The following SLCO4A1 variants were observed in gnomAD, a reference collection of about 807,000 sequenced individuals.
SLCO4A1 encodes colon organic anion transporter.
In SLCO4A1, 51 loss-of-function variants were observed where a neutral mutation model predicts 64.6. That is an observed-to-expected ratio of 0.79 (90% CI 0.63 to 1.00). The LOEUF (loss-of-function observed/expected upper bound fraction) is 1.00. Among genes scored for constraint, SLCO4A1 ranks in the 50% least tolerant of loss-of-function variants. The pLI, the probability that SLCO4A1 is intolerant of heterozygous loss-of-function variation, is 0.00. For synonymous variants in SLCO4A1, 471 were observed against 444.9 expected (o/e 1.06, Z -0.74); for missense variants, 919 against 980.5 (o/e 0.94, Z 0.84).
intron 7 of SLCO4A1, 89 bp from the exon 8 acceptor site, chr20:62,667,656 G>T: frequency 6.8e-7 from 1 of 1,461,144 alleles, no homozygotes; most frequent in South Asian, 1.3e-5. Flanking sequence ...AGGCTGCATG[G>T]GGACGAGCCC....
At chr20:62,676,863 A>C (rs367883346), downstream of SLCO4A1, among the ~76,000 whole-genome samples, 13 of 152,384 alleles carry the variant, frequency 8.5e-5, no homozygotes, top group African/African-American at 3.1e-4. Flanking sequence ...AATGTTGCTC[A>C]TAACAGTCAA....
At position 62,644,392 on chromosome 20, in the gene SLCO4A1, C is replaced by G. The variant is rs1042408518; in HGVS notation, c.-97+1839C>G. Among the ~76,000 whole-genome samples, 1 of 152,264 alleles carries G rather than the reference C, an allele frequency of 6.6e-6. No homozygotes were observed. Among genetic ancestry groups the G allele is most frequent in the African/African-American group, 2.4e-5 (1 of 41,474 alleles). On this transcript the variant is annotated intron_variant, in intron 1 of 11. Transcript: ENST00000217159. The surrounding 1 kb of genome is among the most constrained non-coding windows in gnomAD (Gnocchi z 5.4). ...TGGCCGTGACCTAATCTGTAGCTCA[C>G]TGGGTGTGGCCCCTAAAGCAGGTGC...
chr20:62,659,554 C>G (rs905410315), intron 3 of SLCO4A1, among the ~76,000 whole-genome samples: 1 of 152,156 alleles, frequency 6.6e-6, no homozygotes, highest in Non-Finnish European at 1.5e-5. Flanking sequence ...GGCTGGAGCT[C>G]GTGTCCCGGG....
Position 62,668,993 on chromosome 20 carries a change from A to T in SLCO4A1, c.1940A>T (p.Asp647Val), listed in dbSNP as rs748085586. The T allele has an allele frequency of 1.4e-5, 22 of 1,609,866 alleles. No homozygotes were observed. Among genetic ancestry groups the T allele is most frequent in the Admixed American group, 6.7e-5 (4 of 59,992 alleles). Residue 647 changes from aspartate (D) to valine (V), a missense_variant, in exon 11 of 12, where the codon GAC becomes GTC. Coordinates refer to ENST00000217159, the MANE Select transcript of SLCO4A1 (RefSeq NM_016354.4). The part of the protein sequence containing the change: ...VIDKACLLWQ[D>V]QCGQQGSCLV... ...GACAAGGCCTGTCTGCTGTGGCAGG[A>T]CCAGTGTGGCCAGCAGGGCTCCTGC...
intron 11 of SLCO4A1, among the ~76,000 whole-genome samples, chr20:62,671,228 C>T (rs546049718): frequency 6.6e-5 from 10 of 152,338 alleles, no homozygotes; most frequent in Admixed American, 3.9e-4. Context: ...GGACCGCAAG[C>T]GGGGTGGCCT....
chr20:62,683,102 C>T (rs1987909999), intron 2 of SLCO4A1, among the ~76,000 whole-genome samples: 1 of 152,212 alleles, frequency 6.6e-6, no homozygotes, highest in Admixed American at 6.5e-5. Flanking sequence ...CCATAATTTG[C>T]ACTTAGATTG....
At chr20:62,651,804 C>T (rs1052943422) in intron 1 of SLCO4A1, 8 of 152,278 alleles carry the variant, frequency 5.3e-5, no homozygotes, top group Non-Finnish European at 1.0e-4. Context: ...CCCCCTTCCC[C>T]CTTACCTGCT....
intron 5 of SLCO4A1, among the ~76,000 whole-genome samples, chr20:62,662,167 C>T (rs1985080437): frequency 6.6e-6 from 1 of 152,120 alleles, no homozygotes; most frequent in African/African-American, 2.4e-5. Flanking sequence ...TCAGAAAGCC[C>T]CAAGCTGTCC....
chr20:62,656,733 GCCGTGC>G lies in SLCO4A1; in HGVS notation c.281_286del (p.Pro94_Cys95del), dbSNP rs1569128420. 1 of 1,611,422 alleles carries G rather than the reference GCCGTGC, an allele frequency of 6.2e-7. No homozygotes were observed. Among genetic ancestry groups the G allele is most frequent in the Non-Finnish European group, 8.5e-7 (1 of 1,179,368 alleles). Reference sequence around the variant, plus strand: ...CGTGCGGCTGGTGGGCCTTCGCACCGCCGTGCCTGCAGGTCCTCAACACGCCCAAGG... The same window carrying G: ...CGTGCGGCTGGTGGGCCTTCGCACCGCTGCAGGTCCTCAACACGCCCAAGG... On this transcript the variant is annotated inframe_deletion, in exon 2 of 12. Transcript: ENST00000217159.
At chr20:62,675,675 A>G (rs571154354), downstream of SLCO4A1, among the ~76,000 whole-genome samples, 1 of 152,328 alleles carries the variant, frequency 6.6e-6, no homozygotes, top group East Asian at 1.9e-4. Flanking sequence ...CACAGAGGCC[A>G]GAAGGCATCT....
chr20:62,658,598 C>A, intron 2 of SLCO4A1, 79 bp from the exon 3 acceptor site: 1 of 1,170,378 alleles, frequency 8.5e-7, no homozygotes. Context: ...GGGGCTTCTC[C>A]CAGGCACGGG....
intron 1 of SLCO4A1, among the ~76,000 whole-genome samples, chr20:62,647,780 C>T (rs1981632752): frequency 6.6e-6 from 1 of 152,228 alleles, no homozygotes; most frequent in African/African-American, 2.4e-5. Context: ...AGGCTGGCAC[C>T]CCAGTTCCCA....
chr20:62,672,245 C>T lies in SLCO4A1; in HGVS notation c.*352C>T, dbSNP rs1007206519. The T allele has an allele frequency of 1.4e-5, 17 of 1,232,948 alleles. No individual in the cohort carries two copies. Among genetic ancestry groups the T allele is most frequent in the Middle Eastern group, 6.7e-4 (2 of 2,980 alleles). The allele number at this position is 1,232,948 out of a possible 1,614,324, so 76.4% of individuals were successfully genotyped here. A position where few individuals can be genotyped will look rare whatever the true frequency, so the allele number is the denominator to read the frequency against. On this transcript the variant is annotated 3_prime_UTR_variant, in exon 12 of 12. Coordinates refer to ENST00000217159, the MANE Select transcript of SLCO4A1 (RefSeq NM_016354.4). ...TGCAGCCTGAGGAAGGCTTGTGTGTCCTCAGTTAAAACTGTGCATATCGAA... is the reference window on the plus strand; with the variant it reads ...TGCAGCCTGAGGAAGGCTTGTGTGTTCTCAGTTAAAACTGTGCATATCGAA...
At chr20:62,688,733 A>G (rs75881296), downstream of SLCO4A1, among the ~76,000 whole-genome samples, 1,078 of 152,272 alleles carry the variant, frequency 7.1e-3, 14 homozygotes, top group African/African-American at 0.024. Context: ...GTGTCCAGCA[A>G]TGGCTTTCTG....
At chr20:62,653,103 C>T (rs1450118264) in intron 1 of SLCO4A1, among the ~76,000 whole-genome samples, 1 of 152,240 alleles carries the variant, frequency 6.6e-6, no homozygotes, top group African/African-American at 2.4e-5. Context: ...GTGTTAGCAC[C>T]CTGCCACCCA....
intron 5 of SLCO4A1, among the ~76,000 whole-genome samples, chr20:62,662,483 T>C (rs999267128): frequency 2.4e-4 from 37 of 152,052 alleles, no homozygotes; most frequent in African/African-American, 8.9e-4. Context: ...GATAAGGAGG[T>C]TTATGTCCAG....
chr20:62,655,315 CGGCACAG>C (rs1333835057), intron 1 of SLCO4A1, among the ~76,000 whole-genome samples: 2 of 135,210 alleles, frequency 1.5e-5, no homozygotes, highest in African/African-American at 5.4e-5. Context: ...AGGGTGGGGG[CGGCACAG>C]GTGTTCTGTA....
chr20:62,667,975 T>C, intron 8 of SLCO4A1, 37 bp from the exon 9 acceptor site: 1 of 1,613,994 alleles, frequency 6.2e-7, no homozygotes, highest in Non-Finnish European at 8.5e-7. Flanking sequence ...CCCCCGTGCC[T>C]TCCCCTTGTA....
intron 3 of SLCO4A1, among the ~76,000 whole-genome samples, chr20:62,659,925 T>C (rs1354296022): frequency 6.6e-6 from 1 of 152,246 alleles, no homozygotes; most frequent in Admixed American, 6.5e-5. Context: ...CCATGGTTAT[T>C]TTCCACTCGC....
Sources: allele counts gnomAD v4.1 joint callset (sites outside exome capture counted in the v4.1 genomes callset), GRCh38; gene constraint gnomAD v4.1.1; non-coding constraint Gnocchi (gnomAD v3.1); transcripts MANE v1.5; gene names NCBI Gene and HGNC (gene_info 2026-07-23, HGNC 2026-07-21).